The following ITPK1 variants were observed in gnomAD, a reference collection of about 807,000 sequenced individuals.
ITPK1 encodes the protein inositol-tetrakisphosphate 1-kinase.
A neutral mutation model predicts 45.3 loss-of-function variants in ITPK1; 21 were observed. The ratio of observed to expected loss-of-function variants is 0.46; its 90% CI spans 0.33 to 0.67. The LOEUF (loss-of-function observed/expected upper bound fraction) is 0.67, where lower values mean the gene tolerates loss of function less well. Ranked by LOEUF, ITPK1 falls within the 30% of genes least tolerant of loss-of-function variation. The pLI is 0.02. For synonymous variants in ITPK1, 258 were observed against 253.6 expected, an observed-to-expected ratio of 1.02 and a Z score of -0.16; for missense variants, 474 against 573.5, an observed-to-expected ratio of 0.83 and a Z score of 1.77.
In ITPK1 at chr14:92,993,770, A is replaced by G. The variant is rs1886906970; in HGVS notation, c.364+110T>C. On this transcript the variant is annotated intron_variant, in intron 5 of 10. Transcript: ENST00000267615. Reference sequence around the variant, plus strand: ...ATGGAATTCAAATGCTTCCTGCCCCAAAGTGCTTAAAAAGACAAGACCCCT... The same window carrying G: ...ATGGAATTCAAATGCTTCCTGCCCCGAAGTGCTTAAAAAGACAAGACCCCT... The G allele has an allele frequency of 5.6e-6, 4 of 710,238 alleles. 1 individual carries two copies. Among genetic ancestry groups the G allele is most frequent in the Middle Eastern group, 2.6e-4 (1 of 3,880 alleles). 44.0% of individuals were successfully genotyped at this position (710,238 alleles called of 1,614,324 possible). A position where few individuals can be genotyped will look rare whatever the true frequency, so the allele number is the denominator to read the frequency against.
Position 93,032,886 on chromosome 14 carries a change from C to T in ITPK1, c.121-16085G>A, listed in dbSNP as rs181229249. Among the ~76,000 whole-genome samples, 12 of 152,214 alleles carry T rather than the reference C, an allele frequency of 7.9e-5. No homozygotes were observed. The highest frequency in any genetic ancestry group is 1.6e-4 in the Non-Finnish European group (11 of 68,028). On this transcript the variant is annotated intron_variant, in intron 3 of 10. Coordinates refer to ENST00000267615, the MANE Select transcript of ITPK1 (RefSeq NM_014216.6). The surrounding 1 kb of genome is among the most constrained non-coding windows in gnomAD (Gnocchi z 4.0). ...GGCCAGCACGGATCGGATCGTGCAC[C>T]CTGCAAAGCCAGCCCTTTTCTCTAG...
At chr14:93,079,895 T>C (rs1368307432) in intron 2 of ITPK1, among the ~76,000 whole-genome samples, 2 of 152,198 alleles carry the variant, frequency 1.3e-5, no homozygotes, top group African/African-American at 2.4e-5. Flanking sequence ...CCTGGCTCCA[T>C]GATCCCACCT....
chr14:93,082,955 C>T lies in ITPK1; in HGVS notation c.96-6336G>A, dbSNP rs1293977463. Reference sequence around the variant, plus strand: ...CTAGACCTTCAGCTGCAGATTTCTGCTCAAGCCAGCTAAAGCTTTCTGTCG... The same window carrying T: ...CTAGACCTTCAGCTGCAGATTTCTGTTCAAGCCAGCTAAAGCTTTCTGTCG... On this transcript the variant is annotated intron_variant, in intron 2 of 10. Transcript: ENST00000267615. Among the ~76,000 whole-genome samples the T allele has an allele frequency of 2.0e-5, 3 of 152,218 alleles. No individual in the cohort carries two copies. The East Asian group carries it at 5.8e-4, about 29-fold the overall frequency.
chr14:92,948,439 G>C (rs746823506), intron 9 of ITPK1, among the ~76,000 whole-genome samples: 1 of 152,162 alleles, frequency 6.6e-6, no homozygotes, highest in Non-Finnish European at 1.5e-5. Flanking sequence ...CTGCAGCCTT[G>C]AACTCCTGGG....
At chr14:93,029,969 C>T (rs931022606) in intron 3 of ITPK1, among the ~76,000 whole-genome samples, 1 of 152,212 alleles carries the variant, frequency 6.6e-6, no homozygotes, top group African/African-American at 2.4e-5. Context: ...AATTCAAAGG[C>T]TGCTACCCCC....
chr14:92,972,361 A>G (rs1230466802), intron 5 of ITPK1, among the ~76,000 whole-genome samples: 1 of 152,138 alleles, frequency 6.6e-6, no homozygotes, highest in Non-Finnish European at 1.5e-5. Context: ...GTGTCCTTAT[A>G]AGGAGATTAG....
chr14:93,011,341 T>C (rs1887895832), intron 4 of ITPK1, among the ~76,000 whole-genome samples: 1 of 152,218 alleles, frequency 6.6e-6, no homozygotes, highest in Admixed American at 6.5e-5. Context: ...CTTGGCGGAC[T>C]AGCAGGGAGG....
intron 4 of ITPK1, among the ~76,000 whole-genome samples, chr14:93,001,582 G>C (rs893822496): frequency 2.0e-5 from 3 of 152,178 alleles, no homozygotes; most frequent in African/African-American, 7.2e-5. Context: ...GCCACACCCA[G>C]AGGAAACTTC....
intron 3 of ITPK1, among the ~76,000 whole-genome samples, chr14:93,045,600 C>T (rs769026659): frequency 6.6e-6 from 1 of 152,076 alleles, no homozygotes; most frequent in Non-Finnish European, 1.5e-5. Context: ...GGCTGAAGTG[C>T]GCTATGATTG....
intron 2 of ITPK1, among the ~76,000 whole-genome samples, chr14:93,088,241 A>C (rs896189759): frequency 6.6e-6 from 1 of 151,914 alleles, no homozygotes; most frequent in African/African-American, 2.4e-5. Context: ...GTGGCGGGGC[A>C]GGATTTGTGA....
intron 5 of ITPK1, among the ~76,000 whole-genome samples, chr14:92,992,711 C>T (rs985965329): frequency 3.3e-5 from 5 of 152,254 alleles, no homozygotes; most frequent in African/African-American, 1.2e-4. Flanking sequence ...GGCCCTCTGG[C>T]CATGGACATG....
intron 5 of ITPK1, among the ~76,000 whole-genome samples, chr14:92,976,655 C>T (rs755694398): frequency 1.8e-4 from 28 of 152,240 alleles, no homozygotes; most frequent in Non-Finnish European, 3.2e-4. Context: ...GTGTGCTCTG[C>T]GCCATCAACA....
chr14:92,992,940 C>T (rs1886861777), intron 5 of ITPK1, among the ~76,000 whole-genome samples: 1 of 152,252 alleles, frequency 6.6e-6, no homozygotes. Flanking sequence ...AGGAACACAA[C>T]ACATAGCCAA....
At chr14:93,049,490 AG>A (rs1889916522) in intron 3 of ITPK1, among the ~76,000 whole-genome samples, 1 of 152,170 alleles carries the variant, frequency 6.6e-6, no homozygotes, top group African/African-American at 2.4e-5. Flanking sequence ...GCAGGGGGTG[AG>A]GCTGCCTGGC....
intron 4 of ITPK1, among the ~76,000 whole-genome samples, chr14:93,010,904 C>G (rs967757849): frequency 1.3e-5 from 2 of 151,130 alleles, no homozygotes; most frequent in Admixed American, 6.6e-5. Flanking sequence ...GCTGACTGAC[C>G]CTTACACACA....
At chr14:93,101,876 T>C (rs1892335307) in intron 2 of ITPK1, among the ~76,000 whole-genome samples, 1 of 152,124 alleles carries the variant, frequency 6.6e-6, no homozygotes, top group Non-Finnish European at 1.5e-5. Flanking sequence ...GGAAAGTCAC[T>C]TACCCTCTCT....
chr14:93,094,825 C>T (rs1185490817), intron 2 of ITPK1, among the ~76,000 whole-genome samples: 1 of 152,216 alleles, frequency 6.6e-6, no homozygotes, highest in South Asian at 2.1e-4. Flanking sequence ...CTTCCAGGGG[C>T]TCCCCACAGC....
At chr14:93,015,351 C>A (rs1888124246) in intron 4 of ITPK1, among the ~76,000 whole-genome samples, 1 of 152,190 alleles carries the variant, frequency 6.6e-6, no homozygotes, top group Admixed American at 6.5e-5. Flanking sequence ...TGCTGATCAG[C>A]CCAGCCCTGG....
chr14:93,100,575 A>C (rs1046297613), intron 2 of ITPK1, among the ~76,000 whole-genome samples: 29 of 105,120 alleles, frequency 2.8e-4, no homozygotes, highest in African/African-American at 7.7e-4. Flanking sequence ...AGAGAGAGAC[A>C]GACAGACAGA....
Sources: allele counts gnomAD v4.1 joint callset (sites outside exome capture counted in the v4.1 genomes callset), GRCh38; gene constraint gnomAD v4.1.1; non-coding constraint Gnocchi (gnomAD v3.1); transcripts MANE v1.5; gene names NCBI Gene and HGNC (gene_info 2026-07-23, HGNC 2026-07-21).